Variants in SMARCB1 observed in about 807,000 individuals in gnomAD.
SMARCB1 encodes the protein SWI/SNF related BAF chromatin remodeling complex subunit B1, also known as SWI/SNF-related matrix-associated actin-dependent regulator of chromatin subfamily B member 1.
In SMARCB1, 5 loss-of-function variants were observed where a neutral mutation model predicts 49.0. That is an observed-to-expected ratio of 0.10 (90% CI 0.05 to 0.21). SMARCB1 has a LOEUF of 0.21. Ranked by LOEUF, SMARCB1 falls within the 10% of genes least tolerant of loss-of-function variation. The pLI is 1.00. For missense variants in SMARCB1, 226 were observed against 509.2 expected (o/e 0.44, Z 5.35); for synonymous variants, 201 against 200.1 (o/e 1.00, Z -0.04).
chr22:23,833,871 G>A (rs1004080944), intron 8 of SMARCB1, among the ~76,000 whole-genome samples, 168 bp downstream of exon 8: 2 of 152,214 alleles, frequency 1.3e-5, no homozygotes, highest in African/African-American at 4.8e-5. Context: ...CAAACGCCAG[G>A]GTATGTTTCC....
intron 5 of SMARCB1, among the ~76,000 whole-genome samples, chr22:23,805,566 CGTG>C (rs1568944598): frequency 1.3e-5 from 2 of 152,116 alleles, no homozygotes; most frequent in Admixed American, 6.5e-5. Flanking sequence ...TGTGCAATGG[CGTG>C]ATCTCAGCTC....
In SMARCB1 at chr22:23,837,696, C is replaced by T; in HGVS notation, c.*3516C>T. On this transcript the variant is annotated 3_prime_UTR_variant, in exon 9 of 9. Coordinates refer to ENST00000644036, the MANE Select transcript of SMARCB1 (RefSeq NM_003073.5). ...CGAGGATGGAGTTGCCCAGCAGCAGCGAGAAGCCCATGAGCGCCCAAGGCA... is the reference window on the plus strand; with the variant it reads ...CGAGGATGGAGTTGCCCAGCAGCAGTGAGAAGCCCATGAGCGCCCAAGGCA... The T allele has an allele frequency of 6.2e-7, 1 of 1,613,770 alleles. No individual in the cohort carries two copies. The highest frequency in any genetic ancestry group is 8.5e-7 in the Non-Finnish European group (1 of 1,179,902).
intron 6 of SMARCB1, chr22:23,824,945 T>G: frequency 1.7e-5 from 9 of 524,962 alleles, no homozygotes; most frequent in East Asian, 3.4e-5. Flanking sequence ...ACAGGGGAGA[T>G]GGGATGAAGG....
intron 7 of SMARCB1, 80 bp from the exon 8 acceptor site, chr22:23,833,492 A>C: frequency 6.3e-7 from 1 of 1,594,770 alleles, no homozygotes; most frequent in South Asian, 1.1e-5. Context: ...AGCAGGGCAC[A>C]GACAGGGGCC....
rs2030698502 is a variant in SMARCB1 at position 23,832,367 on chromosome 22, T to TC, written c.987-1203dup. On this transcript the variant is annotated intron_variant, in intron 7 of 8. Coordinates refer to ENST00000644036, the MANE Select transcript of SMARCB1 (RefSeq NM_003073.5). ...TCCAGATGAGGTTTGCAGGGACCTG[T>TC]CCTCTCTATCAGTGTCCACCTGGCG... is the stretch of plus-strand genomic sequence containing the variant. Among the ~76,000 whole-genome samples, 3 of 152,280 alleles carry TC rather than the reference T, an allele frequency of 2.0e-5. No individual in the cohort carries two copies. In the South Asian group the frequency reaches 6.2e-4, roughly 32 times the overall value.
chr22:23,809,820 A>G (rs144055683), intron 5 of SMARCB1, among the ~76,000 whole-genome samples: 1,702 of 152,270 alleles, frequency 0.011, 20 homozygotes, highest in Non-Finnish European at 0.013. Context: ...ACCCAGTGAC[A>G]ATATTGTTCA....
In SMARCB1 at chr22:23,794,436, G is replaced by A. The variant is rs537403886; in HGVS notation, c.362+748G>A. Among the ~76,000 whole-genome samples the A allele has an allele frequency of 3.3e-5, 5 of 152,184 alleles. No individual in the cohort carries two copies. In the East Asian group the frequency reaches 5.8e-4, roughly 18 times the overall value. On this transcript the variant is annotated intron_variant, in intron 3 of 8. Coordinates refer to ENST00000644036, the MANE Select transcript of SMARCB1 (RefSeq NM_003073.5). ...AGTGGCTTATGTTTGTAATCCCAGC[G>A]CTTTGGGAGGCCGAGGCATTGCTTG...
chr22:23,789,949 A>T (rs1928272982), intron 1 of SMARCB1, among the ~76,000 whole-genome samples: 2 of 152,164 alleles, frequency 1.3e-5, no homozygotes, highest in Non-Finnish European at 2.9e-5. Context: ...ATTTACTAAG[A>T]GTGTGTGTCA....
At chr22:23,797,749 C>T (rs1030170915) in intron 3 of SMARCB1, among the ~76,000 whole-genome samples, 13 of 149,650 alleles carry the variant, frequency 8.7e-5, no homozygotes, top group African/African-American at 2.9e-4. Flanking sequence ...TCCCAAGTAG[C>T]TGGGATTATA....
chr22:23,810,997 A>T (rs1266175165), intron 5 of SMARCB1, among the ~76,000 whole-genome samples: 1 of 150,272 alleles, frequency 6.7e-6, no homozygotes, highest in Non-Finnish European at 1.5e-5. Context: ...AGATGACACC[A>T]TTGCACTCCA....
In SMARCB1 at chr22:23,801,095, G is replaced by C. The variant is rs367566794; in HGVS notation, c.500+14G>C. ...CTTCCCCCTTTGGTGTGGATGCATC[G>C]CTGCACTCACCCTCCGTGCTGATTC... On this transcript the variant is annotated intron_variant, in intron 4 of 8. Coordinates refer to ENST00000644036, the MANE Select transcript of SMARCB1 (RefSeq NM_003073.5). 1.2e-6 allele frequency: 2 copies of C among 1,614,128 alleles called. No individual in the cohort carries two copies. Among genetic ancestry groups the C allele is most frequent in the Non-Finnish European group, 1.7e-6 (2 of 1,180,030 alleles).
chr22:23,797,770 A>G (rs139032159), intron 3 of SMARCB1, among the ~76,000 whole-genome samples: 29 of 151,216 alleles, frequency 1.9e-4, no homozygotes, highest in Middle Eastern at 3.4e-3. Context: ...GGCACCAGGC[A>G]CCACACCTAG....
At position 23,836,578 on chromosome 22, in the gene SMARCB1, C is replaced by A. The variant is rs1412819792; in HGVS notation, c.*2398C>A. On this transcript the variant is annotated 3_prime_UTR_variant, in exon 9 of 9. Coordinates refer to ENST00000644036, the MANE Select transcript of SMARCB1 (RefSeq NM_003073.5). ...CCTGGCAACCTGTGAGCTCAAAGCT[C>A]TGCCAGGCAACCATGGGCAGTTTCT... 8.8e-7 allele frequency: 1 copy of A among 1,139,296 alleles called. No individual in the cohort carries two copies. Among genetic ancestry groups the A allele is most frequent in the Admixed American group, 4.9e-5 (1 of 20,456 alleles). 70.6% of individuals were successfully genotyped at this position (1,139,296 alleles called of 1,614,324 possible).
At chr22:23,795,612 C>T (rs562469734) in intron 3 of SMARCB1, among the ~76,000 whole-genome samples, 3 of 151,552 alleles carry the variant, frequency 2.0e-5, no homozygotes, top group African/African-American at 7.2e-5. Flanking sequence ...GCCGAGGTTG[C>T]GCCATTGCTC....
intron 1 of SMARCB1, among the ~76,000 whole-genome samples, chr22:23,789,170 A>G (rs757093179): frequency 3.3e-5 from 5 of 152,220 alleles, no homozygotes; most frequent in Non-Finnish European, 7.3e-5. Flanking sequence ...TTATAAAACA[A>G]AAAATATAGG....
In SMARCB1 at chr22:23,803,364, G is replaced by T. The variant is rs2145982914; in HGVS notation, c.570G>T (p.Arg190=). The T allele has an allele frequency of 3.1e-6, 5 of 1,614,178 alleles. No individual in the cohort carries two copies. Among genetic ancestry groups the T allele is most frequent in the Non-Finnish European group, 4.2e-6 (5 of 1,180,036 alleles). Residue 190 remains arginine, a synonymous_variant, in exon 5 of 9, where the codon CGG becomes CGT. Coordinates refer to ENST00000644036, the MANE Select transcript of SMARCB1 (RefSeq NM_003073.5). ...AGCCCGAGGTGCTGGTCCCCATCCGGCTGGACATGGAGATCGATGGGCAGA... is the reference window on the plus strand; with the variant it reads ...AGCCCGAGGTGCTGGTCCCCATCCGTCTGGACATGGAGATCGATGGGCAGA... ...ASQPEVLVPI[R]LDMEIDGQKL... is the part of the protein sequence containing the mutation.
intron 7 of SMARCB1, among the ~76,000 whole-genome samples, chr22:23,828,969 C>T (rs1447440662): frequency 6.6e-6 from 1 of 152,176 alleles, no homozygotes; most frequent in Non-Finnish European, 1.5e-5. Flanking sequence ...GTCAGAAGCC[C>T]TAGGCTCCTA....
intron 1 of SMARCB1, among the ~76,000 whole-genome samples, chr22:23,790,706 G>GCA (rs1928326284): frequency 6.6e-6 from 1 of 152,024 alleles, no homozygotes; most frequent in African/African-American, 2.4e-5. Context: ...AGCCGGTTGT[G>GCA]GTGGCAAGCA....
chr22:23,803,477 G>A, intron 5 of SMARCB1, 55 bp downstream of exon 5: 1 of 1,605,892 alleles, frequency 6.2e-7, no homozygotes, highest in Non-Finnish European at 8.5e-7. Context: ...GTGTTACGTG[G>A]GAACAGTCCC....
Sources: allele counts gnomAD v4.1 joint callset (sites outside exome capture counted in the v4.1 genomes callset), GRCh38; gene constraint gnomAD v4.1.1; transcripts MANE v1.5; gene names NCBI Gene and HGNC (gene_info 2026-07-23, HGNC 2026-07-21).